CHRNG: variants seen among roughly 807,000 people sequenced by gnomAD.
CHRNG encodes the protein acetylcholine receptor subunit gamma.
A neutral mutation model predicts 65.2 loss-of-function variants in CHRNG; 72 were observed. The ratio of observed to expected loss-of-function variants is 1.10; its 90% CI spans 0.91 to 1.34. CHRNG has a LOEUF of 1.34. Among genes scored for constraint, CHRNG ranks in the 40% most tolerant of loss-of-function variants. The probability of loss-of-function intolerance (pLI) is 0.00; values close to 1 mark genes in which losing one functional copy is unlikely to be tolerated. For synonymous variants in CHRNG, 284 were observed against 290.2 expected, an observed-to-expected ratio of 0.98 and a Z score of 0.22; for missense variants, 637 against 680.1, an observed-to-expected ratio of 0.94 and a Z score of 0.70.
In CHRNG at chr2:232,544,448, C is replaced by T. The variant is rs774265808; in HGVS notation, c.1117C>T (p.Arg373Trp). The stretch of plus-strand genomic sequence containing the variant: ...GGCAGCTGTGCAGGACACCCAGTCC[C>T]GGCTACAGAATGGCTCCTCGGGATG... ...APAAVQDTQSRLQNGSSGWSI... is the reference protein window; with the variant it reads ...APAAVQDTQSWLQNGSSGWSI... Residue 373 changes from arginine to tryptophan, a missense_variant, in exon 10 of 12, where the codon CGG (arginine) becomes TGG (tryptophan). Coordinates refer to ENST00000651502, the MANE Select transcript of CHRNG (RefSeq NM_005199.5). 1.7e-5 allele frequency: 28 copies of T among 1,613,630 alleles called. No individual in the cohort carries two copies. Among genetic ancestry groups the T allele is most frequent in the African/African-American group, 2.7e-5 (2 of 74,946 alleles).
At chr2:232,544,638 C>A (rs1692090224) in intron 10 of CHRNG, 58 bp downstream of exon 10, 1 of 1,565,980 alleles carries the variant, frequency 6.4e-7, no homozygotes, top group Non-Finnish European at 8.8e-7. Flanking sequence ...AGCTGGGGAG[C>A]CAGGCACAGC....
Position 232,547,233 on chromosome 2 carries a change from A to G in CHRNG, c.*1517A>G, listed in dbSNP as rs958195554. ...AACCCAGGAACCCAGCCTGGGCAAC[A>G]TGGGGACACCCGGCCTCTACCAAAA... On this transcript the variant is annotated 3_prime_UTR_variant, in exon 12 of 12. Transcript: ENST00000651502. 2.6e-5 allele frequency among the ~76,000 whole-genome samples: 4 copies of G among 152,088 alleles called. No homozygotes were observed. Among genetic ancestry groups the G allele is most frequent in the African/African-American group, 9.7e-5 (4 of 41,412 alleles).
At position 232,542,946 on chromosome 2, in the gene CHRNG, C is replaced by T. The variant is rs1692047453; in HGVS notation, c.669C>T (p.Ala223=). 6.2e-7 allele frequency: 1 copy of T among 1,614,080 alleles called. No individual in the cohort carries two copies. The highest frequency in any genetic ancestry group is 1.3e-5 in the African/African-American group (1 of 74,940). The part of the protein sequence containing the change: ...AKMLLDPAAP[A]QEAGHQKVVF... ...TGCTCCTGGACCCAGCGGCGCCAGC[C>T]CAGGAAGCAGGCCACCAGAAGGTGG... Residue 223 remains alanine, a synonymous_variant, in exon 7 of 12, where the codon GCC becomes GCT. Coordinates refer to ENST00000651502, the MANE Select transcript of CHRNG (RefSeq NM_005199.5).
chr2:232,543,708 C>G lies in CHRNG; in HGVS notation c.1035+9C>G. On this transcript the variant is annotated intron_variant, in intron 9 of 11. Transcript: ENST00000651502. ...CCCGAGGGGTCCGCAAGGCAAGGAC[C>G]CTCCCTGCCCACTTCAACATCCCGC... The G allele has an allele frequency of 1.3e-6, 2 of 1,526,206 alleles. No individual in the cohort carries two copies. Among genetic ancestry groups the G allele is most frequent in the Non-Finnish European group, 1.8e-6 (2 of 1,100,196 alleles). 94.5% of individuals were successfully genotyped at this position (1,526,206 alleles called of 1,614,324 possible).
rs764266722 is a variant in CHRNG at position 232,540,387 on chromosome 2, C to A, written c.202C>A (p.Arg68=). ...TLTNLISLNE[R]EEALTTNVWI... ...TACACCCTTGCACCCCCAGAACGAG[C>A]GAGAGGAAGCCCTCACCACCAATGT... Residue 68 remains arginine (R), a synonymous_variant, in exon 3 of 12, where the codon CGA becomes AGA. Transcript: ENST00000651502. This position sits in a 1 kb window ranked among gnomAD's most constrained non-coding sequence, Gnocchi z 4.2. The A allele has an allele frequency of 5.0e-6, 8 of 1,614,048 alleles. 1 individual carries two copies. The African/African-American group carries it at 5.3e-5, about 11-fold the overall frequency.
At chr2:232,543,558 C>G (rs1320602782) in intron 8 of CHRNG, 27 bp from the exon 9 acceptor site, 2 of 1,474,836 alleles carry the variant, frequency 1.4e-6, no homozygotes, top group Non-Finnish European at 1.9e-6. Context: ...TATGGGCTGC[C>G]AGCTCCTGCC....
At chr2:232,545,462 T>C in intron 11 of CHRNG, 81 bp from the exon 12 acceptor site, 1 of 1,294,304 alleles carries the variant, frequency 7.7e-7, no homozygotes, top group Non-Finnish European at 1.1e-6. Context: ...ATGGGCCTGC[T>C]GGAAGCCCAA....
At chr2:232,542,159 C>T (rs1035136215) in intron 5 of CHRNG, among the ~76,000 whole-genome samples, 1 of 152,142 alleles carries the variant, frequency 6.6e-6, no homozygotes, top group Non-Finnish European at 1.5e-5. Context: ...GTGGGAGAGA[C>T]AAATGCAGAG....
rs751132652 is a variant in CHRNG at position 232,543,290 on chromosome 2, G to C, written c.821G>C (p.Cys274Ser). ...TCATGGATAGCTGGGGGCCAGAAGT[G>C]TACCGTCGCCATCAACGTGCTCCTG... is the stretch of plus-strand genomic sequence containing the variant. ...FLPAKAGGQK[C>S]TVAINVLLAQ... Residue 274 changes from cysteine (C) to serine (S), a missense_variant, in exon 8 of 12, where the codon TGT becomes TCT. Coordinates refer to ENST00000651502, the MANE Select transcript of CHRNG (RefSeq NM_005199.5). 6.2e-7 allele frequency: 1 copy of C among 1,613,864 alleles called. No homozygotes were observed. Among genetic ancestry groups the C allele is most frequent in the African/African-American group, 1.3e-5 (1 of 74,886 alleles).
chr2:232,541,550 G>A lies in CHRNG; in HGVS notation c.506+21G>A, dbSNP rs765323284. The A allele has an allele frequency of 2.5e-6, 4 of 1,612,146 alleles. No individual in the cohort carries two copies. Among genetic ancestry groups the A allele is most frequent in the South Asian group, 1.1e-5 (1 of 91,088 alleles). On this transcript the variant is annotated intron_variant, in intron 5 of 11. Transcript: ENST00000651502. This position sits in a 1 kb window ranked among gnomAD's most constrained non-coding sequence, Gnocchi z 4.0. The stretch of plus-strand genomic sequence containing the variant: ...TTCCAGTGAGGCCATTTATTGGGGA[G>A]GATTAAGAGAGCTGCTCTCAGAGGG...
rs756184613 is a variant in CHRNG at position 232,543,631 on chromosome 2, G to A, written c.967G>A (p.Ala323Thr). Residue 323 changes from alanine (A) to threonine (T), a missense_variant, in exon 9 of 12, where the codon GCT (alanine) becomes ACT (threonine). Physicochemically the swap from Ala to Thr is moderately conservative, Grantham distance 58. Transcript: ENST00000651502. ...LVVTILIVVN[A>T]VVVLNVSLRS... ...GGTGACCATCCTCATTGTCGTGAAT[G>A]CTGTGGTTGTGCTCAATGTCTCCTT... 9.9e-6 allele frequency: 16 copies of A among 1,613,900 alleles called. 1 individual carries two copies. In the South Asian group the frequency reaches 1.6e-4, roughly 17 times the overall value.
At position 232,540,633 on chromosome 2, in the gene CHRNG, C is replaced by G. The variant is rs762046159; in HGVS notation, c.272C>G (p.Pro91Arg). 7 of 1,612,680 alleles carry G rather than the reference C, an allele frequency of 4.3e-6. No individual in the cohort carries two copies. Among genetic ancestry groups the G allele is most frequent in the Non-Finnish European group, 5.9e-6 (7 of 1,179,984 alleles). The change falls in exon 4 of 12, where the codon CCG (proline) becomes CGG (arginine). Residue 91 changes from proline to arginine, a missense_variant. Physicochemically the swap from Pro to Arg is moderately radical, Grantham distance 103. Coordinates refer to ENST00000651502, the MANE Select transcript of CHRNG (RefSeq NM_005199.5). The surrounding 1 kb of genome is among the most constrained non-coding windows in gnomAD (Gnocchi z 4.2). ...QWCDYRLRWD[P>R]RDYEGLWVLR... ...TGCGACTATCGCCTGCGCTGGGATC[C>G]GCGAGACTACGAAGGCCTGTGGGTG...
Position 232,546,103 on chromosome 2 carries a change from T to C in CHRNG, c.*387T>C, listed in dbSNP as rs1692128439. ...TGGCTCCCCTTTTACAAGTTCTCCCTGAAAGAGGGCAGTCACAAGAGGTGT... is the reference window on the plus strand; with the variant it reads ...TGGCTCCCCTTTTACAAGTTCTCCCCGAAAGAGGGCAGTCACAAGAGGTGT... On this transcript the variant is annotated 3_prime_UTR_variant, in exon 12 of 12. Coordinates refer to ENST00000651502, the MANE Select transcript of CHRNG (RefSeq NM_005199.5). 1 of 346,790 alleles carries C rather than the reference T, an allele frequency of 2.9e-6. No individual in the cohort carries two copies. Among genetic ancestry groups the C allele is most frequent in the Non-Finnish European group, 5.7e-6 (1 of 176,828 alleles). 21.5% of individuals were successfully genotyped at this position (346,790 alleles called of 1,614,324 possible).
chr2:232,540,211 C>A lies in CHRNG; in HGVS notation c.195+80C>A, dbSNP rs762267618. 1.6e-5 allele frequency: 26 copies of A among 1,610,826 alleles called. No individual in the cohort carries two copies. The highest frequency in any genetic ancestry group is 2.2e-5 in the Non-Finnish European group (26 of 1,177,456). On this transcript the variant is annotated intron_variant, in intron 2 of 11. Transcript: ENST00000651502. This position sits in a 1 kb window ranked among gnomAD's most constrained non-coding sequence, Gnocchi z 4.2. ...GATAGCATGGGGTGGCTCCAGCCAC[C>A]AAGAGGTTGGAGGGCCCTAAATCGG...
Position 232,541,325 on chromosome 2 carries a change from CG to C in CHRNG, c.351-44del. 1 of 1,611,338 alleles carries C rather than the reference CG, an allele frequency of 6.2e-7. No homozygotes were observed. ...AGGGGCTGGTCTGGGGCTGGGGTGT[CG>C]GGGGCTGAGCCCACAGCCTCGTGGC... is the stretch of plus-strand genomic sequence containing the variant. On this transcript the variant is annotated intron_variant, in intron 4 of 11. Coordinates refer to ENST00000651502, the MANE Select transcript of CHRNG (RefSeq NM_005199.5). The surrounding 1 kb of genome is among the most constrained non-coding windows in gnomAD (Gnocchi z 4.0).
intron 1 of CHRNG, 25 bp downstream of exon 1, chr2:232,539,827 TG>T (rs767078808): frequency 4.6e-5 from 74 of 1,613,240 alleles, no homozygotes; most frequent in Non-Finnish European, 5.5e-5. Flanking sequence ...AATCTCAGCC[TG>T]GGGAGTCCCA....
Position 232,541,917 on chromosome 2 carries a change from A to T in CHRNG, c.506+388A>T, listed in dbSNP as rs527959238. 2.6e-5 allele frequency: 9 copies of T among 346,830 alleles called. No homozygotes were observed. Among genetic ancestry groups the T allele is most frequent in the Non-Finnish European group, 4.4e-5 (8 of 182,242 alleles). The allele number at this position is 346,830 out of a possible 1,614,324, so 21.5% of individuals were successfully genotyped here. ...TGTGAGAGAGGGGCCCTGGCAGGGA[A>T]TCCAGCGGAAGCATGTATGCAACCA... On this transcript the variant is annotated intron_variant, in intron 5 of 11. Coordinates refer to ENST00000651502, the MANE Select transcript of CHRNG (RefSeq NM_005199.5). The surrounding 1 kb of genome is among the most constrained non-coding windows in gnomAD (Gnocchi z 4.0).
Position 232,540,578 on chromosome 2 carries a change from T to C in CHRNG, c.241-24T>C. The C allele has an allele frequency of 6.2e-7, 1 of 1,606,662 alleles. No homozygotes were observed. On this transcript the variant is annotated intron_variant, in intron 3 of 11. Coordinates refer to ENST00000651502, the MANE Select transcript of CHRNG (RefSeq NM_005199.5). This position sits in a 1 kb window ranked among gnomAD's most constrained non-coding sequence, Gnocchi z 4.2. Reference sequence around the variant, plus strand: ...TGTGGTGCAGCAGAGGGCAGAGGCCTAGCAACTGCCCCTCCCCCTGCAGCA... The same window carrying C: ...TGTGGTGCAGCAGAGGGCAGAGGCCCAGCAACTGCCCCTCCCCCTGCAGCA...
intron 5 of CHRNG, among the ~76,000 whole-genome samples, chr2:232,542,128 AG>A (rs1270766911): frequency 6.6e-6 from 1 of 152,098 alleles, no homozygotes; most frequent in African/African-American, 2.4e-5. Context: ...TGCCATCATC[AG>A]CCCCTCCTGC....
Sources: gnomAD v4.1 joint callset for allele counts (sites outside exome capture counted in the v4.1 genomes callset) on GRCh38, gnomAD v4.1.1 for gene constraint, Gnocchi (gnomAD v3.1) non-coding constraint, MANE v1.5 for transcripts, NCBI Gene and HGNC (gene_info 2026-07-23, HGNC 2026-07-21) for gene names.